Variants in TBC1D1 observed in about 807,000 individuals in gnomAD.
TBC1D1 encodes TBC1 domain family member 1, also known as TBC1 (tre-2/USP6, BUB2, cdc16) domain family, member 1.
TBC1D1 carries 89 observed loss-of-function variants against 125.6 expected under a neutral mutation model. The observed-to-expected ratio is 0.71, with a 90% CI of 0.60 to 0.85. The LOEUF (loss-of-function observed/expected upper bound fraction) is 0.85. TBC1D1 is among the 40% of genes least tolerant of loss of function. TBC1D1 has a pLI of 0.00. For missense variants in TBC1D1, 1,377 were observed against 1,469.2 expected (o/e 0.94, Z 1.03); for synonymous variants, 565 against 564.1 (o/e 1.00, Z -0.02).
At chr4:37,936,389 T>C (rs1330350088) in intron 2 of TBC1D1, among the ~76,000 whole-genome samples, 3 of 152,096 alleles carry the variant, frequency 2.0e-5, no homozygotes, top group South Asian at 2.1e-4. Context: ...AAACCATGGA[T>C]AAGGGGGGGT....
At chr4:37,915,353 G>T (rs1209736273) in intron 2 of TBC1D1, among the ~76,000 whole-genome samples, 1 of 152,166 alleles carries the variant, frequency 6.6e-6, no homozygotes, top group Non-Finnish European at 1.5e-5. Flanking sequence ...TTGCAAGCTG[G>T]ATACCCAGGT....
chr4:38,100,952 T>C (rs1431671491), intron 14 of TBC1D1, among the ~76,000 whole-genome samples: 1 of 152,082 alleles, frequency 6.6e-6, no homozygotes, highest in Non-Finnish European at 1.5e-5. Context: ...CAAGAGAAAA[T>C]GGCAGTCAGC....
Position 38,014,962 on chromosome 4 carries a change from A to G in TBC1D1, c.871A>G (p.Met291Val), listed in dbSNP as rs1331878774. The G allele has an allele frequency of 1.9e-6, 3 of 1,539,132 alleles. No individual in the cohort carries two copies. Among genetic ancestry groups the G allele is most frequent in the South Asian group, 2.5e-5 (2 of 80,820 alleles). The change falls in exon 3 of 20, where the codon ATG (methionine) becomes GTG (valine). Residue 291 changes from methionine to valine, a missense_variant. This residue lies in a region of TBC1D1 where 822 missense variants were observed against 824.6 expected (regional missense o/e 1.00). Coordinates refer to ENST00000261439, the MANE Select transcript of TBC1D1 (RefSeq NM_015173.4). This position sits in a 1 kb window ranked among gnomAD's most constrained non-coding sequence, Gnocchi z 5.1. Reference sequence around the variant, plus strand: ...CACAGATATCGAGGAAAATCGAACTATGCTCTTCACGGTAAAATATCACCC... The same window carrying G: ...CACAGATATCGAGGAAAATCGAACTGTGCTCTTCACGGTAAAATATCACCC...
intron 2 of TBC1D1, among the ~76,000 whole-genome samples, chr4:37,944,375 C>T (rs934488746): frequency 6.6e-6 from 1 of 152,208 alleles, no homozygotes; most frequent in African/African-American, 2.4e-5. Context: ...CAGACAGGGA[C>T]ATTTAAATCT....
chr4:38,108,157 G>C (rs543011518), intron 15 of TBC1D1, among the ~76,000 whole-genome samples: 1 of 152,166 alleles, frequency 6.6e-6, no homozygotes, highest in Non-Finnish European at 1.5e-5. Flanking sequence ...CCAGCATCCT[G>C]TCTTCTGTCT....
At chr4:37,991,841 G>A (rs1406867465) in intron 2 of TBC1D1, among the ~76,000 whole-genome samples, 1 of 152,154 alleles carries the variant, frequency 6.6e-6, no homozygotes, top group Non-Finnish European at 1.5e-5. Context: ...ATTTCATCCC[G>A]AAAGTGAATA....
chr4:37,894,857 G>T (rs1714196035), intron 1 of TBC1D1, among the ~76,000 whole-genome samples: 1 of 152,150 alleles, frequency 6.6e-6, no homozygotes, highest in African/African-American at 2.4e-5. Flanking sequence ...GGGATCTTTG[G>T]ATATCATCTG....
At chr4:37,947,472 T>G (rs1361526167) in intron 2 of TBC1D1, among the ~76,000 whole-genome samples, 1 of 152,134 alleles carries the variant, frequency 6.6e-6, no homozygotes, top group Non-Finnish European at 1.5e-5. Context: ...ATGTTTTATT[T>G]TTTAGAGACA....
chr4:38,048,876 T>C (rs1178595005), intron 10 of TBC1D1, among the ~76,000 whole-genome samples: 1 of 152,232 alleles, frequency 6.6e-6, no homozygotes, highest in East Asian at 1.9e-4. Flanking sequence ...TAAAATATTG[T>C]CATGATTCTC....
rs908192313 is a variant in TBC1D1 at position 38,121,220 on chromosome 4, G to A, written c.2962+3028G>A. Among the ~76,000 whole-genome samples, 5 of 152,278 alleles carry A rather than the reference G, an allele frequency of 3.3e-5. No individual in the cohort carries two copies. In the East Asian group the frequency reaches 7.7e-4, roughly 24 times the overall value. On this transcript the variant is annotated intron_variant, in intron 17 of 19. Transcript: ENST00000261439. ...GTAGCGGAGCCACGACTGGAGGACC[G>A]CAGCCTTCCAGAAGAAAGTTGAGAA...
chr4:37,928,580 C>T (rs772732236), intron 2 of TBC1D1, among the ~76,000 whole-genome samples: 58 of 152,236 alleles, frequency 3.8e-4, no homozygotes, highest in Non-Finnish European at 6.2e-4. Context: ...TCTCTCTTGC[C>T]GCTGTAGCGC....
intron 15 of TBC1D1, among the ~76,000 whole-genome samples, chr4:38,109,878 G>A (rs1371628040): frequency 1.3e-5 from 2 of 152,232 alleles, no homozygotes; most frequent in East Asian, 3.8e-4. Context: ...ATGCAACAAT[G>A]TGAGAAGATG....
chr4:37,934,225 C>T (rs574463061), intron 2 of TBC1D1, among the ~76,000 whole-genome samples: 236 of 152,266 alleles, frequency 1.5e-3, no homozygotes, highest in African/African-American at 5.6e-3. Context: ...AACTGGCTGA[C>T]AGCTGTCCAT....
intron 10 of TBC1D1, 99 bp from the exon 11 acceptor site, chr4:38,049,519 T>A: frequency 7.2e-7 from 1 of 1,391,494 alleles, no homozygotes; most frequent in South Asian, 1.4e-5. Flanking sequence ...TCAGAACACA[T>A]ACTTAGATAC....
intron 18 of TBC1D1, among the ~76,000 whole-genome samples, chr4:38,130,192 C>A (rs1765360932): frequency 6.6e-6 from 1 of 151,962 alleles, no homozygotes; most frequent in Non-Finnish European, 1.5e-5. Flanking sequence ...TATATAGCGA[C>A]ATGAAAAAGC....
At chr4:37,937,546 G>T (rs758638570) in intron 2 of TBC1D1, among the ~76,000 whole-genome samples, 3 of 152,130 alleles carry the variant, frequency 2.0e-5, no homozygotes, top group Non-Finnish European at 4.4e-5. Flanking sequence ...ACTTCATGAA[G>T]TTTATATGTA....
intron 2 of TBC1D1, among the ~76,000 whole-genome samples, chr4:37,910,259 G>A (rs972225089): frequency 6.6e-6 from 1 of 152,142 alleles, no homozygotes; most frequent in Non-Finnish European, 1.5e-5. Flanking sequence ...ATCTTAGGGA[G>A]ATTTATTTAT....
chr4:38,076,343 G>T (rs888803714), intron 12 of TBC1D1, among the ~76,000 whole-genome samples: 1 of 152,192 alleles, frequency 6.6e-6, no homozygotes, highest in African/African-American at 2.4e-5. Context: ...TCCCTCCCAT[G>T]ACATGGGGAT....
At chr4:38,046,318 G>A (rs1749459893) in intron 10 of TBC1D1, among the ~76,000 whole-genome samples, 1 of 151,550 alleles carries the variant, frequency 6.6e-6, no homozygotes, top group Admixed American at 6.6e-5. Context: ...CTTGCAGTGA[G>A]CCAAGATCAC....
Sources: allele counts gnomAD v4.1 joint callset (sites outside exome capture counted in the v4.1 genomes callset), GRCh38; gene constraint gnomAD v4.1.1; regional missense constraint gnomAD v4.1.1; non-coding constraint Gnocchi (gnomAD v3.1); transcripts MANE v1.5; gene names NCBI Gene and HGNC (gene_info 2026-07-23, HGNC 2026-07-21).